The following CDC42BPB variants were observed in gnomAD, a reference collection of about 807,000 sequenced individuals.
The protein encoded by CDC42BPB is CDC42 binding protein kinase beta.
A neutral mutation model predicts 214.9 loss-of-function variants in CDC42BPB; 37 were observed. The observed-to-expected ratio is 0.17, with a 90% CI of 0.13 to 0.23. CDC42BPB has a LOEUF of 0.23. Among genes scored for constraint, CDC42BPB ranks in the 10% least tolerant of loss-of-function variants. The pLI is 1.00. For synonymous variants in CDC42BPB, 931 were observed against 884.0 expected (o/e 1.05, Z -0.94); for missense variants, 1,694 against 2,227.0 (o/e 0.76, Z 4.82).
At chr14:103,043,339 G>T (rs1359807912) in intron 1 of CDC42BPB, among the ~76,000 whole-genome samples, 1 of 152,146 alleles carries the variant, frequency 6.6e-6, no homozygotes, top group South Asian at 2.1e-4. Context: ...CCACACAACG[G>T]AGTACTATTT....
chr14:102,991,574 G>C (rs914826720), intron 5 of CDC42BPB, among the ~76,000 whole-genome samples: 3 of 152,222 alleles, frequency 2.0e-5, no homozygotes, highest in Non-Finnish European at 4.4e-5. Context: ...AGTAGTGTAA[G>C]TAAGAATTTT....
chr14:102,984,340 T>C (rs1595494156), intron 6 of CDC42BPB, among the ~76,000 whole-genome samples: 1 of 152,032 alleles, frequency 6.6e-6, no homozygotes, highest in African/African-American at 2.4e-5. Context: ...AAGACTCCAG[T>C]GGGGCACAAG....
At chr14:103,018,914 C>G (rs768226904) in intron 1 of CDC42BPB, among the ~76,000 whole-genome samples, 1 of 152,168 alleles carries the variant, frequency 6.6e-6, no homozygotes, top group South Asian at 2.1e-4. Context: ...ACAGACACAG[C>G]TTCCAGGGAG....
Position 103,041,500 on chromosome 14 carries a change from C to T in CDC42BPB, c.175+15499G>A, listed in dbSNP as rs556372135. 3.3e-5 allele frequency: 45 copies of T among 1,379,326 alleles called. No homozygotes were observed. The African/African-American group carries it at 4.9e-4, about 15-fold the overall frequency. The allele number at this position is 1,379,326 out of a possible 1,614,324, so 85.4% of individuals were successfully genotyped here. A position where few individuals can be genotyped will look rare whatever the true frequency, so the allele number is the denominator to read the frequency against. ...CCCAGCCAGAATGGCATGGAAGCCC[C>T]ACTTCCACAAGGACTGGCAGCTGGC... On this transcript the variant is annotated intron_variant, in intron 1 of 36. Coordinates refer to ENST00000361246, the MANE Select transcript of CDC42BPB (RefSeq NM_006035.4).
chr14:102,972,288 A>G, intron 12 of CDC42BPB, 127 bp from the exon 13 acceptor site: 1 of 1,511,086 alleles, frequency 6.6e-7, no homozygotes, highest in Non-Finnish European at 8.8e-7. Flanking sequence ...TTAGAGCCAC[A>G]GATCTGAGCT....
In CDC42BPB at chr14:102,952,499, C is replaced by T; in HGVS notation, c.3171G>A (p.Glu1057=). ...VGLIRQGYAC[E]VCSFACHVSC... ...CCCAGGAGCTGCAACGACACTCACC[C>T]TCGCAGGCGTAGCCCTGCCGGATCA... Residue 1057 remains glutamate (E), a splice_region_variant and synonymous_variant, in exon 24 of 37, where the codon GAG becomes GAA. Transcript: ENST00000361246. The T allele has an allele frequency of 6.2e-7, 1 of 1,604,812 alleles. No homozygotes were observed. Among genetic ancestry groups the T allele is most frequent in the South Asian group, 1.1e-5 (1 of 90,436 alleles).
rs1477181130 is a variant in CDC42BPB at position 102,975,818 on chromosome 14, G to C, written c.1388-15C>G. ...CTGGGTGGACTCTGAGGGATGGAGA[G>C]ACAGCGTGAGGTGCAGCCTGGCCGC... On this transcript the variant is annotated splice_polypyrimidine_tract_variant and intron_variant, in intron 10 of 36. Coordinates refer to ENST00000361246, the MANE Select transcript of CDC42BPB (RefSeq NM_006035.4). 1.2e-6 allele frequency: 2 copies of C among 1,614,040 alleles called. No individual in the cohort carries two copies. Among genetic ancestry groups the C allele is most frequent in the Non-Finnish European group, 1.7e-6 (2 of 1,179,998 alleles).
chr14:103,022,870 G>A (rs2139677548), intron 1 of CDC42BPB, among the ~76,000 whole-genome samples: 1 of 151,656 alleles, frequency 6.6e-6, no homozygotes, highest in South Asian at 2.1e-4. Flanking sequence ...GTCAGTAGGG[G>A]GTGTTTCTCT....
intron 29 of CDC42BPB, 62 bp downstream of exon 29, chr14:102,945,600 C>A (rs1892125809): frequency 7.0e-7 from 1 of 1,433,452 alleles, no homozygotes; most frequent in African/African-American, 1.4e-5. Flanking sequence ...TGACCCTGTG[C>A]TGTCTGCAGA....
At chr14:103,053,584 A>G (rs542024320) in intron 1 of CDC42BPB, among the ~76,000 whole-genome samples, 3 of 151,076 alleles carry the variant, frequency 2.0e-5, no homozygotes, top group Admixed American at 1.3e-4. Flanking sequence ...ACACGGTGAA[A>G]CCCCGTCTCT....
At chr14:102,949,635 G>A (rs1026310084) in intron 26 of CDC42BPB, 130 bp downstream of exon 26, 38 of 1,198,816 alleles carry the variant, frequency 3.2e-5, no homozygotes, top group Non-Finnish European at 4.1e-5. Context: ...ACCCATTTTT[G>A]CAACCATACA....
At chr14:102,953,141 C>T (rs935463230) in intron 23 of CDC42BPB, among the ~76,000 whole-genome samples, 2 of 152,256 alleles carry the variant, frequency 1.3e-5, no homozygotes, top group Non-Finnish European at 2.9e-5. Context: ...AACAGAGGGT[C>T]GTGGTGCAGG....
intron 21 of CDC42BPB, chr14:102,956,107 T>C (rs1162419322): frequency 6.6e-6 from 1 of 152,202 alleles, no homozygotes; most frequent in Non-Finnish European, 1.5e-5. Context: ...ATTTTAGGCA[T>C]GTAAAAGCCC....
chr14:103,019,931 G>A (rs35917115), intron 1 of CDC42BPB, among the ~76,000 whole-genome samples: 2 of 152,326 alleles, frequency 1.3e-5, no homozygotes, highest in East Asian at 3.9e-4. Context: ...AACTGCAGGC[G>A]GAGGGAGGAT....
intron 1 of CDC42BPB, among the ~76,000 whole-genome samples, chr14:103,038,355 A>C (rs1887789627): frequency 6.6e-6 from 1 of 151,870 alleles, no homozygotes; most frequent in Non-Finnish European, 1.5e-5. Context: ...AAAAAAAAAA[A>C]AACCAAAACA....
intron 1 of CDC42BPB, among the ~76,000 whole-genome samples, chr14:103,034,587 G>A (rs1049351518): frequency 1.3e-5 from 2 of 152,184 alleles, no homozygotes; most frequent in African/African-American, 4.8e-5. Context: ...GCTGAGGCAG[G>A]TGGCTCACAT....
intron 1 of CDC42BPB, among the ~76,000 whole-genome samples, chr14:103,050,611 G>C (rs1041221841): frequency 1.4e-5 from 2 of 147,370 alleles, no homozygotes; most frequent in Non-Finnish European, 3.1e-5. Flanking sequence ...TAAAAAATTA[G>C]CCAGGTGTAG....
rs749782 is a variant in CDC42BPB at position 103,001,968 on chromosome 14, T to C, written c.447+1960A>G. Among the ~76,000 whole-genome samples, 34,757 of 152,226 alleles carry C rather than the reference T, an allele frequency of 0.23. 8,662 individuals carry two copies. The highest frequency in any genetic ancestry group is 0.63 in the African/African-American group (25,991 of 41,492). ...GCGGAGGCCCACTCCAGAATGAGAA[T>C]CAGACCTAGTCTGTCCTGTCACAGA... On this transcript the variant is annotated intron_variant, in intron 4 of 36. Transcript: ENST00000361246. This position sits in a 1 kb window ranked among gnomAD's most constrained non-coding sequence, Gnocchi z 5.8.
intron 27 of CDC42BPB, among the ~76,000 whole-genome samples, chr14:102,947,339 A>C (rs1892228221): frequency 6.6e-6 from 1 of 152,210 alleles, no homozygotes; most frequent in Non-Finnish European, 1.5e-5. Flanking sequence ...CTCAGTCAAC[A>C]AAAACGCTGG....
Sources: allele counts gnomAD v4.1 joint callset (sites outside exome capture counted in the v4.1 genomes callset), GRCh38; gene constraint gnomAD v4.1.1; non-coding constraint Gnocchi (gnomAD v3.1); transcripts MANE v1.5; gene names NCBI Gene and HGNC (gene_info 2026-07-23, HGNC 2026-07-21).